ELF1: variants seen among roughly 807,000 people sequenced by gnomAD.
ELF1 encodes ETS-related transcription factor Elf-1.
ELF1 carries 24 observed loss-of-function variants against 59.9 expected under a neutral mutation model. The observed-to-expected ratio is 0.40, with a 90% CI of 0.29 to 0.56. ELF1 has a LOEUF of 0.56. Ranked by LOEUF, ELF1 falls within the 20% of genes least tolerant of loss-of-function variation. ELF1 has a pLI of 0.44. For synonymous variants in ELF1, 248 were observed against 266.2 expected, an observed-to-expected ratio of 0.93 and a Z score of 0.67; for missense variants, 627 against 742.2, an observed-to-expected ratio of 0.84 and a Z score of 1.80.
At chr13:40,968,299 C>A (rs1295738784) in intron 2 of ELF1, among the ~76,000 whole-genome samples, 2 of 152,156 alleles carry the variant, frequency 1.3e-5, no homozygotes, top group Non-Finnish European at 2.9e-5. Context: ...ACACACAGTA[C>A]ATCTACATGG....
chr13:41,024,615 G>A (rs1022571656), intron 1 of ELF1, among the ~76,000 whole-genome samples: 9 of 152,082 alleles, frequency 5.9e-5, no homozygotes. Flanking sequence ...GAGCTCAAGC[G>A]ATCCGCCTGC....
At chr13:40,965,120 C>T (rs1255031236) in intron 2 of ELF1, among the ~76,000 whole-genome samples, 3 of 152,168 alleles carry the variant, frequency 2.0e-5, no homozygotes, top group Non-Finnish European at 4.4e-5. Flanking sequence ...CTAGTCTTTT[C>T]ATTGTTTCTA....
chr13:41,014,814 T>G (rs934001943), intron 1 of ELF1, among the ~76,000 whole-genome samples: 3 of 152,116 alleles, frequency 2.0e-5, no homozygotes, highest in Admixed American at 6.5e-5. Context: ...TACCTAACAA[T>G]GTCCCATTAG....
At chr13:40,960,298 T>C (rs891928226) in intron 2 of ELF1, among the ~76,000 whole-genome samples, 2 of 152,178 alleles carry the variant, frequency 1.3e-5, no homozygotes, top group Admixed American at 6.5e-5. Context: ...TGGTTATAGG[T>C]TTCCTTTAGT....
At chr13:41,046,233 T>G (rs560344502) in intron 1 of ELF1, among the ~76,000 whole-genome samples, 1 of 152,366 alleles carries the variant, frequency 6.6e-6, no homozygotes, top group African/African-American at 2.4e-5. Flanking sequence ...CTTGACTCTT[T>G]ACCCAATTTG....
intron 1 of ELF1, among the ~76,000 whole-genome samples, chr13:41,000,558 C>T (rs1874375490): frequency 1.3e-5 from 2 of 152,044 alleles, no homozygotes; most frequent in South Asian, 2.1e-4. Flanking sequence ...TCTGCTTTAT[C>T]GCTTTGTTGT....
At chr13:40,979,234 T>C (rs60196933) in intron 2 of ELF1, among the ~76,000 whole-genome samples, 3,444 of 95,946 alleles carry the variant, frequency 0.036, 113 homozygotes, top group African/African-American at 0.098. Context: ...CACACACACA[T>C]AATGACAAAA....
At chr13:40,948,797 A>C (rs1008376116) in intron 5 of ELF1, among the ~76,000 whole-genome samples, 1 of 152,140 alleles carries the variant, frequency 6.6e-6, no homozygotes, top group Non-Finnish European at 1.5e-5. Flanking sequence ...TATTTTTCCA[A>C]CTGGAGTCTT....
intron 1 of ELF1, among the ~76,000 whole-genome samples, chr13:40,999,575 G>T (rs528053979): frequency 6.6e-6 from 1 of 152,306 alleles, no homozygotes; most frequent in Admixed American, 6.5e-5. Flanking sequence ...AAACTGGGTT[G>T]CAACAATAGA....
At chr13:41,014,997 T>TC (rs935288388) in intron 1 of ELF1, among the ~76,000 whole-genome samples, 2 of 151,338 alleles carry the variant, frequency 1.3e-5, no homozygotes, top group African/African-American at 4.9e-5. Flanking sequence ...ACCCCTGCCC[T>TC]CCCCCCAAAA....
chr13:40,979,703 CTTCAT>C (rs1315935259), intron 2 of ELF1, among the ~76,000 whole-genome samples: 1 of 152,138 alleles, frequency 6.6e-6, no homozygotes, highest in African/African-American at 2.4e-5. Context: ...TTTAGCATAA[CTTCAT>C]TTGTGTCTTA....
At chr13:40,951,197 TAC>T in intron 4 of ELF1, 130 bp downstream of exon 4, 1 of 692,278 alleles carries the variant, frequency 1.4e-6, no homozygotes, top group Non-Finnish European at 2.2e-6. Flanking sequence ...CCTCAATTCC[TAC>T]TATACCTTAA....
chr13:40,963,887 C>T (rs928909278), intron 2 of ELF1, among the ~76,000 whole-genome samples: 63 of 151,244 alleles, frequency 4.2e-4, no homozygotes, highest in African/African-American at 1.5e-3. Context: ...ACTTGGGTGA[C>T]GGAGCAAGAC....
rs35073784 is a variant in ELF1 at position 40,993,428 on chromosome 13, C to T, written c.-228-11146G>A. ...GGGGCTGGGCGGCTCTGTCCTCTAG[C>T]GGAGCCCGTTTGCTACTATCCGCCC... On this transcript the variant is annotated intron_variant, in intron 1 of 8. Coordinates refer to ENST00000239882, the MANE Select transcript of ELF1 (RefSeq NM_172373.4). The T allele has an allele frequency of 6.9e-5, 46 of 670,366 alleles. 1 individual carries two copies. The South Asian group carries it at 7.4e-4, about 11-fold the overall frequency. The allele number at this position is 670,366 out of a possible 1,614,324, so 41.5% of individuals were successfully genotyped here. A position where few individuals can be genotyped will look rare whatever the true frequency, so the allele number is the denominator to read the frequency against.
At chr13:41,060,511 G>C (rs1413177453) in intron 1 of ELF1, among the ~76,000 whole-genome samples, 1 of 152,178 alleles carries the variant, frequency 6.6e-6, no homozygotes, top group Non-Finnish European at 1.5e-5. Context: ...CCCGTGAGCC[G>C]GAGGCGGGAG....
At chr13:40,990,073 C>T (rs531445944) in intron 1 of ELF1, among the ~76,000 whole-genome samples, 10 of 151,940 alleles carry the variant, frequency 6.6e-5, no homozygotes, top group South Asian at 2.1e-4. Flanking sequence ...TATACACATT[C>T]GATACATAAT....
At chr13:41,006,627 T>A (rs1874775915) in intron 1 of ELF1, among the ~76,000 whole-genome samples, 1 of 152,194 alleles carries the variant, frequency 6.6e-6, no homozygotes, top group African/African-American at 2.4e-5. Flanking sequence ...AATTATCCTA[T>A]AACAATATGC....
chr13:41,016,982 G>A lies in ELF1; in HGVS notation c.-229+2246C>T, dbSNP rs1354151075. ...TATATATATATATATATATATATAT[G>A]AGCTAAAACTAAAGCAGAAATAAAA... On this transcript the variant is annotated intron_variant, in intron 1 of 8. Transcript: ENST00000239882. Among the ~76,000 whole-genome samples, 64 of 55,584 alleles carry A rather than the reference G, an allele frequency of 1.2e-3. No individual in the cohort carries two copies. The East Asian group carries it at 0.035, about 30-fold the overall frequency. The allele number at this position is 55,584 out of a possible 152,430, so 36.5% of individuals were successfully genotyped here.
Position 41,024,875 on chromosome 13 carries a change from T to C in ELF1, c.-229+35963A>G, listed in dbSNP as rs558661472. Among the ~76,000 whole-genome samples, 4 of 152,294 alleles carry C rather than the reference T, an allele frequency of 2.6e-5. No homozygotes were observed. The South Asian group carries it at 6.2e-4, about 24-fold the overall frequency. On this transcript the variant is annotated intron_variant, in intron 1 of 1. Coordinates refer to the ELF1 transcript ENST00000405737. ...TCTTCAGGTAAAAAAGTACTCATCATATCACAGGAAAAGTAACATCACAGT... is the reference window on the plus strand; with the variant it reads ...TCTTCAGGTAAAAAAGTACTCATCACATCACAGGAAAAGTAACATCACAGT...
Sources: allele counts gnomAD v4.1 joint callset (sites outside exome capture counted in the v4.1 genomes callset), GRCh38; gene constraint gnomAD v4.1.1; transcripts MANE v1.5; gene names NCBI Gene and HGNC (gene_info 2026-07-23, HGNC 2026-07-21).